The following XRCC4 variants were observed in gnomAD, a reference collection of about 807,000 sequenced individuals.
The protein encoded by XRCC4 is DNA repair protein XRCC4.
XRCC4 carries 28 observed loss-of-function variants against 39.1 expected under a neutral mutation model. The ratio of observed to expected loss-of-function variants is 0.72; its 90% CI spans 0.53 to 0.98. XRCC4 has a LOEUF of 0.98. Ranked by LOEUF, XRCC4 falls within the 50% of genes least tolerant of loss-of-function variation. The pLI is 0.00. For synonymous variants in XRCC4, 123 were observed against 126.4 expected, an observed-to-expected ratio of 0.97 and a Z score of 0.18; for missense variants, 350 against 376.4, an observed-to-expected ratio of 0.93 and a Z score of 0.58.
chr5:83,134,112 C>A (rs192674027), intron 3 of XRCC4, among the ~76,000 whole-genome samples: 16 of 152,260 alleles, frequency 1.1e-4, no homozygotes, highest in Non-Finnish European at 1.9e-4. Flanking sequence ...GTTCCCTATT[C>A]GTGGAATCAT....
At chr5:83,315,293 G>A (rs1032119742) in intron 7 of XRCC4, among the ~76,000 whole-genome samples, 5 of 152,116 alleles carry the variant, frequency 3.3e-5, no homozygotes, top group Admixed American at 3.3e-4. Context: ...GAAGCTAGCC[G>A]AGATTGGTTT....
At chr5:83,338,024 G>A (rs1211712576) in intron 7 of XRCC4, among the ~76,000 whole-genome samples, 1 of 152,188 alleles carries the variant, frequency 6.6e-6, no homozygotes, top group Non-Finnish European at 1.5e-5. Context: ...TCCTAAAACT[G>A]AGGAAGCTGT....
Position 83,111,220 on chromosome 5 carries a change from A to G in XRCC4, c.315+17A>G. 1.3e-6 allele frequency: 2 copies of G among 1,555,340 alleles called. No homozygotes were observed. Among genetic ancestry groups the G allele is most frequent in the South Asian group, 1.2e-5 (1 of 82,492 alleles). ...GATGTCTCAGTAAGTAAAACTTTCC[A>G]AAATGTTACATAGTAAAATGTCAGA... On this transcript the variant is annotated intron_variant, in intron 3 of 7. Transcript: ENST00000396027.
chr5:83,216,238 A>G (rs1473786221), intron 6 of XRCC4, among the ~76,000 whole-genome samples: 1 of 152,194 alleles, frequency 6.6e-6, no homozygotes, highest in African/African-American at 2.4e-5. Context: ...TAATCATTAG[A>G]TAATACAAAT....
chr5:83,274,611 T>C (rs1386559499), intron 7 of XRCC4, among the ~76,000 whole-genome samples: 2 of 152,300 alleles, frequency 1.3e-5, no homozygotes, highest in East Asian at 3.9e-4. Flanking sequence ...ATGCAAAAGA[T>C]AGTGATGAGG....
intron 7 of XRCC4, among the ~76,000 whole-genome samples, chr5:83,311,347 G>T (rs1755704710): frequency 6.6e-6 from 1 of 152,148 alleles, no homozygotes; most frequent in Non-Finnish European, 1.5e-5. Flanking sequence ...AAAATAGCTA[G>T]AAGAGAATTA....
chr5:83,185,022 T>C lies in XRCC4; in HGVS notation c.316-10748T>C, dbSNP rs572941798. Among the ~76,000 whole-genome samples the C allele has an allele frequency of 3.9e-5, 6 of 152,192 alleles. No individual in the cohort carries two copies. The East Asian group carries it at 1.2e-3, about 29-fold the overall frequency. On this transcript the variant is annotated intron_variant, in intron 3 of 7. Transcript: ENST00000396027. ...TATAAATTGAGGTCAATACTGGGAT[T>C]CTAACGTAGAGATTTCTAAGGTTCC...
At chr5:83,264,380 A>G (rs145928802) in intron 7 of XRCC4, among the ~76,000 whole-genome samples, 5 of 152,260 alleles carry the variant, frequency 3.3e-5, no homozygotes, top group Admixed American at 3.3e-4. Context: ...AGTTTTGAAG[A>G]AAGTTATTTG....
intron 7 of XRCC4, among the ~76,000 whole-genome samples, chr5:83,292,681 G>A (rs1353853156): frequency 6.6e-6 from 1 of 151,776 alleles, no homozygotes; most frequent in Non-Finnish European, 1.5e-5. Context: ...CACTGTTACA[G>A]GCTAGTTAAT....
At chr5:83,207,209 A>G (rs1751454698) in intron 6 of XRCC4, among the ~76,000 whole-genome samples, 1 of 152,158 alleles carries the variant, frequency 6.6e-6, no homozygotes, top group African/African-American at 2.4e-5. Context: ...AGAGTATCTT[A>G]CCAATATTTG....
the XRCC4 span, among the ~76,000 whole-genome samples, chr5:83,368,196 G>C: frequency 6.6e-6 from 1 of 152,134 alleles, no homozygotes; most frequent in Non-Finnish European, 1.5e-5. Context: ...AAGAGTCAAA[G>C]AATTGAGTTC....
intron 7 of XRCC4, among the ~76,000 whole-genome samples, chr5:83,260,290 T>G (rs1286394405): frequency 6.6e-6 from 1 of 152,094 alleles, no homozygotes; most frequent in East Asian, 1.9e-4. Context: ...TTATAAGCAG[T>G]TTAAAACGTT....
At chr5:83,182,752 T>C (rs993519060) in intron 3 of XRCC4, among the ~76,000 whole-genome samples, 4 of 152,106 alleles carry the variant, frequency 2.6e-5, no homozygotes, top group Non-Finnish European at 5.9e-5. Context: ...AGTGCTCTTA[T>C]AAAAGAGGCC....
In XRCC4 at chr5:83,176,421, A is replaced by C. The variant is rs187325804; in HGVS notation, c.316-19349A>C. Among the ~76,000 whole-genome samples, 382 of 152,290 alleles carry C rather than the reference A, an allele frequency of 2.5e-3. 1 individual carries two copies. Among genetic ancestry groups the C allele is most frequent in the Non-Finnish European group, 4.3e-3 (290 of 68,028 alleles). ...ATGTACCCATAAAAATTAAAAATAA[A>C]AATAAAATTTTAAAGATTGAGCAAG... On this transcript the variant is annotated intron_variant, in intron 3 of 7. Transcript: ENST00000396027.
chr5:83,089,605 A>G (rs1745330011), intron 1 of XRCC4, among the ~76,000 whole-genome samples: 1 of 152,180 alleles, frequency 6.6e-6, no homozygotes, highest in African/African-American at 2.4e-5. Context: ...TGCCAGTCAC[A>G]AGTCCTGAGT....
chr5:83,248,508 C>T (rs115805634), intron 6 of XRCC4, among the ~76,000 whole-genome samples: 4,030 of 152,186 alleles, frequency 0.026, 76 homozygotes, highest in Non-Finnish European at 0.04. Flanking sequence ...TGAAAGGCAT[C>T]AAGACTGATT....
chr5:83,296,152 G>A (rs1755085771), intron 7 of XRCC4, among the ~76,000 whole-genome samples: 1 of 152,024 alleles, frequency 6.6e-6, no homozygotes, highest in Non-Finnish European at 1.5e-5. Flanking sequence ...TAACACCACT[G>A]CTTTATGCCA....
intron 1 of XRCC4, among the ~76,000 whole-genome samples, chr5:83,089,729 A>T (rs1007916287): frequency 6.6e-6 from 1 of 151,832 alleles, no homozygotes; most frequent in African/African-American, 2.4e-5. Flanking sequence ...AGAAAAAAAA[A>T]TTATTTTTAA....
At chr5:83,122,664 A>G (rs950511212) in intron 3 of XRCC4, among the ~76,000 whole-genome samples, 4 of 152,152 alleles carry the variant, frequency 2.6e-5, no homozygotes, top group South Asian at 4.1e-4. Context: ...TTTCTGATAT[A>G]CAATTTAGGA....
Sources: allele counts gnomAD v4.1 joint callset (sites outside exome capture counted in the v4.1 genomes callset), GRCh38; gene constraint gnomAD v4.1.1; transcripts MANE v1.5; gene names NCBI Gene and HGNC (gene_info 2026-07-23, HGNC 2026-07-21).